SDK2: variants seen among roughly 807,000 people sequenced by gnomAD.
The protein encoded by SDK2 is protein sidekick-2.
SDK2 carries 105 observed loss-of-function variants against 253.9 expected under a neutral mutation model. That is an observed-to-expected ratio of 0.41 (90% CI 0.35 to 0.49). The LOEUF (loss-of-function observed/expected upper bound fraction) is 0.49. Ranked by LOEUF, SDK2 falls within the 20% of genes least tolerant of loss-of-function variation. The probability of loss-of-function intolerance (pLI) is 0.06; values close to 1 mark genes in which losing one functional copy is unlikely to be tolerated. For synonymous variants in SDK2, 1,249 were observed against 1,234.9 expected (o/e 1.01, Z -0.24); for missense variants, 2,608 against 3,003.0 (o/e 0.87, Z 3.07).
rs973867587 is a variant in SDK2 at position 73,470,008 on chromosome 17, A to G, written c.331+2104T>C. 9.0e-4 allele frequency among the ~76,000 whole-genome samples: 136 copies of G among 151,376 alleles called. 1 individual carries two copies. The highest frequency in any genetic ancestry group is 3.0e-3 in the African/African-American group (123 of 41,070). The stretch of plus-strand genomic sequence containing the variant: ...CGCGCGCGCGCACACACACACACAC[A>G]CACACACACACACACACACACACAC... On this transcript the variant is annotated intron_variant, in intron 3 of 44. Coordinates refer to ENST00000392650, the MANE Select transcript of SDK2 (RefSeq NM_001144952.2).
At chr17:73,388,715 C>T (rs2062895108) in intron 29 of SDK2, among the ~76,000 whole-genome samples, 1 of 151,998 alleles carries the variant, frequency 6.6e-6, no homozygotes, top group Admixed American at 6.6e-5. Context: ...TTCCTGAGTA[C>T]ATTTTCTTCT....
chr17:73,342,849 T>C (rs1302264957), intron 44 of SDK2, among the ~76,000 whole-genome samples: 1 of 146,712 alleles, frequency 6.8e-6, no homozygotes, highest in African/African-American at 2.5e-5. Context: ...TGAAATGAGC[T>C]AACCCAGGAG....
At position 73,495,720 on chromosome 17, in the gene SDK2, G is replaced by A. The variant is rs191550831; in HGVS notation, c.224+11718C>T. On this transcript the variant is annotated intron_variant, in intron 2 of 44. Coordinates refer to ENST00000392650, the MANE Select transcript of SDK2 (RefSeq NM_001144952.2). ...TCCCTTCAGCCTCCCCACCTTCCCC[G>A]ATCCTCAGGAGTGGGAGGAGCTGGC... Among the ~76,000 whole-genome samples the A allele has an allele frequency of 5.6e-3, 857 of 151,940 alleles. 2 individuals are homozygous for A. The highest frequency in any genetic ancestry group is 9.2e-3 in the Non-Finnish European group (624 of 67,960).
intron 1 of SDK2, among the ~76,000 whole-genome samples, chr17:73,525,659 C>T (rs1567823092): frequency 1.3e-5 from 2 of 152,244 alleles, no homozygotes; most frequent in South Asian, 2.1e-4. Flanking sequence ...TCAGAACCTT[C>T]TCTCCAAACG....
chr17:73,556,168 G>A (rs1314516903), intron 1 of SDK2, among the ~76,000 whole-genome samples: 5 of 152,188 alleles, frequency 3.3e-5, no homozygotes, highest in African/African-American at 1.2e-4. Flanking sequence ...CCAGACATCG[G>A]GAATGGAGGC....
chr17:73,553,106 G>A (rs1444610070), intron 1 of SDK2, among the ~76,000 whole-genome samples: 1 of 152,214 alleles, frequency 6.6e-6, no homozygotes, highest in East Asian at 1.9e-4. Flanking sequence ...GGGCTGGGAG[G>A]GAAGGGCCAG....
chr17:73,355,348 A>G (rs1455778453), intron 40 of SDK2, among the ~76,000 whole-genome samples: 1 of 145,594 alleles, frequency 6.9e-6, no homozygotes, highest in African/African-American at 2.6e-5. Flanking sequence ...CGGCTAACTT[A>G]TTTATTTATT....
intron 1 of SDK2, among the ~76,000 whole-genome samples, chr17:73,573,155 A>T (rs1390436717): frequency 6.6e-6 from 1 of 151,988 alleles, no homozygotes; most frequent in East Asian, 1.9e-4. Context: ...ACCCCCAGAC[A>T]CCTTCCCAAT....
intron 1 of SDK2, among the ~76,000 whole-genome samples, chr17:73,547,707 G>A (rs1306896059): frequency 2.6e-5 from 4 of 152,206 alleles, no homozygotes; most frequent in Admixed American, 2.6e-4. Flanking sequence ...AGTCTGTTTT[G>A]AGCAGTTCAG....
At chr17:73,378,881 T>C (rs2062806697) in intron 36 of SDK2, among the ~76,000 whole-genome samples, 1 of 152,178 alleles carries the variant, frequency 6.6e-6, no homozygotes, top group South Asian at 2.1e-4. Flanking sequence ...ATGTGTGTGC[T>C]GCTCAGAGAT....
chr17:73,380,768 C>T lies in SDK2; in HGVS notation c.4762+126G>A, dbSNP rs538223665. The T allele has an allele frequency of 3.8e-4, 305 of 809,850 alleles. 2 individuals are homozygous for T. The highest frequency in any genetic ancestry group is 3.6e-3 in the South Asian group (247 of 68,734). The allele number at this position is 809,850 out of a possible 1,614,324, so 50.2% of individuals were successfully genotyped here. On this transcript the variant is annotated intron_variant, in intron 34 of 44. Transcript: ENST00000392650. Reference sequence around the variant, plus strand: ...TTATCACTTGTGTTCAGGGTAGTCCCGTTTCTTAAGCCCCCTGGGGTGGGC... The same window carrying T: ...TTATCACTTGTGTTCAGGGTAGTCCTGTTTCTTAAGCCCCCTGGGGTGGGC...
rs1365401765 is a variant in SDK2, at chr17:73,348,735, G to A, written c.6039-10C>T. 1.2e-6 allele frequency: 2 copies of A among 1,602,978 alleles called. No homozygotes were observed. Among genetic ancestry groups the A allele is most frequent in the Non-Finnish European group, 8.5e-7 (1 of 1,178,484 alleles). ...GGGCCTGGGGGGAGACCTGGAGAGA[G>A]CGGGGGAGTGGGGCCGAGAGGTGCA... is the stretch of plus-strand genomic sequence containing the variant. On this transcript the variant is annotated splice_polypyrimidine_tract_variant and intron_variant, in intron 43 of 44. Coordinates refer to ENST00000392650, the MANE Select transcript of SDK2 (RefSeq NM_001144952.2).
At position 73,511,843 on chromosome 17, in the gene SDK2, G is replaced by A. The variant is rs560293589; in HGVS notation, c.65-4246C>T. On this transcript the variant is annotated intron_variant, in intron 1 of 44. Transcript: ENST00000392650. The surrounding 1 kb of genome is among the most constrained non-coding windows in gnomAD (Gnocchi z 4.9). ...GCTGTAGGAAGAATGACAGACTGAG[G>A]GGAAGAAGATGCTGCTGGGATAACA... 2.0e-4 allele frequency among the ~76,000 whole-genome samples: 31 copies of A among 152,184 alleles called. No individual in the cohort carries two copies. The highest frequency in any genetic ancestry group is 4.1e-4 in the Non-Finnish European group (28 of 68,026).
chr17:73,348,405 G>A (rs2062503328), intron 44 of SDK2, among the ~76,000 whole-genome samples, 194 bp downstream of exon 44: 1 of 152,226 alleles, frequency 6.6e-6, no homozygotes, highest in Admixed American at 6.5e-5. Flanking sequence ...GACCCCATTG[G>A]CACTGGCCGC....
At chr17:73,418,248 C>T (rs2063200358) in intron 16 of SDK2, among the ~76,000 whole-genome samples, 1 of 152,180 alleles carries the variant, frequency 6.6e-6, no homozygotes, top group Admixed American at 6.5e-5. Context: ...CCCCGTGATC[C>T]ACCCGCCTTG....
At position 73,455,687 on chromosome 17, in the gene SDK2, C is replaced by T. The variant is rs1019342425; in HGVS notation, c.479+219G>A. ...GTGGAGGCAACGCCCTGGGATTCCCCAGGAAGGGGACCGGGCATGGGTTTC... is the reference window on the plus strand; with the variant it reads ...GTGGAGGCAACGCCCTGGGATTCCCTAGGAAGGGGACCGGGCATGGGTTTC... On this transcript the variant is annotated intron_variant, in intron 4 of 44. Coordinates refer to ENST00000392650, the MANE Select transcript of SDK2 (RefSeq NM_001144952.2). The surrounding 1 kb of genome is among the most constrained non-coding windows in gnomAD (Gnocchi z 5.0). Among the ~76,000 whole-genome samples, 1 of 152,182 alleles carries T rather than the reference C, an allele frequency of 6.6e-6. No individual in the cohort carries two copies.
At chr17:73,341,045 G>GTA (rs1488526158) in intron 44 of SDK2, among the ~76,000 whole-genome samples, 1,624 of 131,708 alleles carry the variant, frequency 0.012, 36 homozygotes, top group African/African-American at 0.042. Flanking sequence ...CGGCTGGTCT[G>GTA]TTTTTTTTTT....
At chr17:73,636,291 T>C (rs1294674163) in intron 1 of SDK2, among the ~76,000 whole-genome samples, 1 of 151,984 alleles carries the variant, frequency 6.6e-6, no homozygotes, top group Non-Finnish European at 1.5e-5. Flanking sequence ...CAGACGATGG[T>C]TGTAATGCAC....
chr17:73,501,242 G>GCACACACACA (rs34715004), intron 2 of SDK2, among the ~76,000 whole-genome samples: 8,117 of 150,798 alleles, frequency 0.054, 281 homozygotes, highest in African/African-American at 0.084. Context: ...GCATGTGCAT[G>GCACACACACA]CACACACACA....
Sources: allele counts gnomAD v4.1 joint callset (sites outside exome capture counted in the v4.1 genomes callset), GRCh38; gene constraint gnomAD v4.1.1; non-coding constraint Gnocchi (gnomAD v3.1); transcripts MANE v1.5; gene names NCBI Gene and HGNC (gene_info 2026-07-23, HGNC 2026-07-21).